LRRC4C: variants seen among roughly 807,000 people sequenced by gnomAD.
The protein encoded by LRRC4C is leucine-rich repeat-containing protein 4C.
A neutral mutation model predicts 33.6 loss-of-function variants in LRRC4C; 5 were observed. The ratio of observed to expected loss-of-function variants is 0.15; its 90% CI spans 0.08 to 0.31. LRRC4C has a LOEUF of 0.31. LRRC4C is among the 10% of genes least tolerant of loss of function. The probability of loss-of-function intolerance (pLI) is 1.00; values close to 1 mark genes in which losing one functional copy is unlikely to be tolerated. For missense variants in LRRC4C, 560 were observed against 796.7 expected, an observed-to-expected ratio of 0.70 and a Z score of 3.58; for synonymous variants, 329 against 302.0, an observed-to-expected ratio of 1.09 and a Z score of -0.93.
At chr11:40,449,222 G>C (rs1407131054) in intron 3 of LRRC4C, among the ~76,000 whole-genome samples, 1 of 151,890 alleles carries the variant, frequency 6.6e-6, no homozygotes, top group Non-Finnish European at 1.5e-5. Context: ...TTCTTTTGCT[G>C]TGCAGAAGCT....
intron 6 of LRRC4C, among the ~76,000 whole-genome samples, chr11:40,124,117 A>C (rs905043545): frequency 5.3e-5 from 8 of 152,176 alleles, no homozygotes; most frequent in Non-Finnish European, 1.0e-4. Flanking sequence ...AGACATTGTA[A>C]TGAGATATCA....
chr11:40,990,884 CT>C (rs535253494), intron 1 of LRRC4C, among the ~76,000 whole-genome samples: 62 of 151,238 alleles, frequency 4.1e-4, no homozygotes, highest in African/African-American at 1.3e-3. Flanking sequence ...AAAAGAAGTG[CT>C]TTTTTTTATA....
intron 2 of LRRC4C, among the ~76,000 whole-genome samples, chr11:40,922,832 CT>C (rs201121051): frequency 5.3e-5 from 8 of 151,488 alleles, no homozygotes; most frequent in East Asian, 1.9e-4. Context: ...AAATGTGATA[CT>C]TTTTTTTTCA....
At chr11:41,171,376 A>ATTGG (rs1944968594) in intron 1 of LRRC4C, among the ~76,000 whole-genome samples, 1 of 151,944 alleles carries the variant, frequency 6.6e-6, no homozygotes, top group Non-Finnish European at 1.5e-5. Flanking sequence ...ACAATGATAG[A>ATTGG]CTTAAGAAAA....
chr11:41,143,654 A>G lies in LRRC4C; in HGVS notation c.-495-209931T>C, dbSNP rs1252403611. On this transcript the variant is annotated intron_variant, in intron 1 of 6. Transcript: ENST00000528697. ...CATTTGAACAATGGTTCTCGATCCTAGCTACAATAACCCGGAAAACATTCA... is the reference window on the plus strand; with the variant it reads ...CATTTGAACAATGGTTCTCGATCCTGGCTACAATAACCCGGAAAACATTCA... Among the ~76,000 whole-genome samples the G allele has an allele frequency of 2.0e-5, 3 of 152,222 alleles. No individual in the cohort carries two copies. In the East Asian group the frequency reaches 5.8e-4, roughly 29 times the overall value.
At chr11:40,646,792 G>T (rs1942490005) in intron 3 of LRRC4C, among the ~76,000 whole-genome samples, 1 of 152,118 alleles carries the variant, frequency 6.6e-6, no homozygotes, top group African/African-American at 2.4e-5. Flanking sequence ...ATTTTCAGTA[G>T]AGATGAGGTT....
chr11:40,558,605 C>A (rs1206627530), intron 3 of LRRC4C, among the ~76,000 whole-genome samples: 1 of 152,172 alleles, frequency 6.6e-6, no homozygotes, highest in Non-Finnish European at 1.5e-5. Flanking sequence ...ATCACTCCTG[C>A]CCCTGTACTG....
intron 3 of LRRC4C, among the ~76,000 whole-genome samples, chr11:40,423,534 C>A (rs1304939783): frequency 6.6e-6 from 1 of 151,580 alleles, no homozygotes; most frequent in Non-Finnish European, 1.5e-5. Context: ...TTAGTAGAGA[C>A]GGGGTTTCAC....
At chr11:40,816,466 CT>C in intron 2 of LRRC4C, among the ~76,000 whole-genome samples, 1 of 152,130 alleles carries the variant, frequency 6.6e-6, no homozygotes, top group East Asian at 1.9e-4. Flanking sequence ...TGTCTTTTTT[CT>C]TTTTTCAATT....
chr11:41,432,840 C>A (rs191955123), intron 1 of LRRC4C, among the ~76,000 whole-genome samples: 127 of 152,280 alleles, frequency 8.3e-4, no homozygotes, highest in Non-Finnish European at 1.6e-3. Flanking sequence ...CTATAATAAA[C>A]CCTGTCTCCA....
intron 1 of LRRC4C, among the ~76,000 whole-genome samples, chr11:41,118,998 A>G (rs1942285854): frequency 6.6e-6 from 1 of 151,840 alleles, no homozygotes; most frequent in East Asian, 1.9e-4. Flanking sequence ...GACATTGCAA[A>G]TTTTTGTAAA....
At chr11:40,580,883 T>C (rs952129579) in intron 3 of LRRC4C, among the ~76,000 whole-genome samples, 4 of 152,258 alleles carry the variant, frequency 2.6e-5, no homozygotes, top group African/African-American at 9.6e-5. Flanking sequence ...TAAAAAGTTT[T>C]GATAGCTACC....
At chr11:40,729,787 T>C (rs1162731098) in intron 2 of LRRC4C, among the ~76,000 whole-genome samples, 2 of 147,414 alleles carry the variant, frequency 1.4e-5, no homozygotes, top group African/African-American at 4.9e-5. Context: ...TAAACCTATG[T>C]TTTTTATAAT....
chr11:41,245,774 G>A (rs1177604687), intron 1 of LRRC4C, among the ~76,000 whole-genome samples: 5 of 152,206 alleles, frequency 3.3e-5, no homozygotes, highest in Non-Finnish European at 4.4e-5. Flanking sequence ...AATGAGGTAC[G>A]CGGACAAGTG....
intron 1 of LRRC4C, among the ~76,000 whole-genome samples, chr11:41,080,562 A>G (rs1939498888): frequency 6.6e-6 from 1 of 152,114 alleles, no homozygotes; most frequent in Non-Finnish European, 1.5e-5. Context: ...CATGGTGGTC[A>G]GGCTGGTCTC....
intron 1 of LRRC4C, among the ~76,000 whole-genome samples, chr11:41,233,633 G>T (rs1298523200): frequency 1.3e-5 from 2 of 151,894 alleles, no homozygotes; most frequent in African/African-American, 4.8e-5. Flanking sequence ...AGATATATCA[G>T]TAATTTAAAT....
chr11:40,458,974 T>C (rs1294084758), intron 3 of LRRC4C, among the ~76,000 whole-genome samples: 1 of 152,130 alleles, frequency 6.6e-6, no homozygotes, highest in Non-Finnish European at 1.5e-5. Context: ...GATAAGCAGA[T>C]ACAGAGATAA....
chr11:41,156,063 T>C (rs1405815515), intron 1 of LRRC4C, among the ~76,000 whole-genome samples: 1 of 152,144 alleles, frequency 6.6e-6, no homozygotes, highest in Non-Finnish European at 1.5e-5. Context: ...TAGGATTTAA[T>C]GATCTGAATC....
intron 2 of LRRC4C, among the ~76,000 whole-genome samples, chr11:40,801,995 C>G (rs545701707): frequency 6.6e-6 from 1 of 152,284 alleles, no homozygotes; most frequent in East Asian, 1.9e-4. Context: ...CTAATACAGA[C>G]TACACATCCA....
Sources: allele counts gnomAD v4.1 joint callset (sites outside exome capture counted in the v4.1 genomes callset), GRCh38; gene constraint gnomAD v4.1.1; transcripts MANE v1.5; gene names NCBI Gene and HGNC (gene_info 2026-07-23, HGNC 2026-07-21).